FBRSL1: variants seen among roughly 807,000 people sequenced by gnomAD.
FBRSL1 encodes fibrosin like 1.
A neutral mutation model predicts 89.6 loss-of-function variants in FBRSL1; 51 were observed. The observed-to-expected ratio is 0.57, with a 90% CI of 0.45 to 0.72. FBRSL1 has a LOEUF of 0.72. FBRSL1 is among the 30% of genes least tolerant of loss of function. The pLI is 0.00. For missense variants in FBRSL1, 1,618 were observed against 1,451.8 expected, an observed-to-expected ratio of 1.11 and a Z score of -1.86; for synonymous variants, 779 against 681.1, an observed-to-expected ratio of 1.14 and a Z score of -2.24.
intron 13 of FBRSL1, 40 bp from the exon 14 acceptor site, chr12:132,574,453 G>T (rs1283745513): frequency 6.5e-7 from 1 of 1,548,860 alleles, no homozygotes; most frequent in Admixed American, 2.0e-5. Context: ...CATGGGTGGG[G>T]GTGGCACCAG....
chr12:132,510,575 C>T (rs748418010), intron 2 of FBRSL1: 22 of 1,230,858 alleles, frequency 1.8e-5, no homozygotes, highest in Admixed American at 8.4e-5. Context: ...TAGCCTGAGG[C>T]CTTGTCTAGA....
chr12:132,571,884 C>T (rs866452894), intron 9 of FBRSL1: 1 of 329,642 alleles, frequency 3.0e-6, no homozygotes, highest in Non-Finnish European at 5.5e-6. Context: ...CCCCGGAGGC[C>T]CGGTCTGAGG....
chr12:132,582,218 T>C lies in FBRSL1; in HGVS notation c.2153T>C (p.Leu718Pro), dbSNP rs1440274139. 2 of 1,550,034 alleles carry C rather than the reference T, an allele frequency of 1.3e-6. No homozygotes were observed. Among genetic ancestry groups the C allele is most frequent in the African/African-American group, 2.7e-5 (2 of 73,032 alleles). ...KSVDAERVSA[L>P]TNHDREPDNG... ...GTGGACGCGGAGCGGGTGTCAGCCCTGACCAACCATGACCGAGAGCCGGAC... is the reference window on the plus strand; with the variant it reads ...GTGGACGCGGAGCGGGTGTCAGCCCCGACCAACCATGACCGAGAGCCGGAC... The change falls in exon 18 of 19, where the codon CTG becomes CCG. Residue 718 changes from leucine to proline, a missense_variant. Transcript: ENST00000680143.
In FBRSL1 at chr12:132,522,011, G is replaced by A. The variant is rs1384273596; in HGVS notation, c.490-3723G>A. 2.0e-5 allele frequency among the ~76,000 whole-genome samples: 3 copies of A among 152,158 alleles called. 1 individual carries two copies. The highest frequency in any genetic ancestry group is 4.1e-4 in the South Asian group (2 of 4,830). ...TGTGACTGCTGTGGTAGAGAGGGGT[G>A]TGGGTGTGTGTATGCAGCCAGCGTG... is the stretch of plus-strand genomic sequence containing the variant. On this transcript the variant is annotated intron_variant, in intron 2 of 18. Transcript: ENST00000680143.
intron 1 of FBRSL1, among the ~76,000 whole-genome samples, chr12:132,501,033 C>T (rs527466897): frequency 5.3e-5 from 8 of 152,186 alleles, no homozygotes; most frequent in African/African-American, 1.7e-4. Context: ...AGGAGCTGGG[C>T]GGGGAAGGAG....
chr12:132,559,691 G>T (rs1374161070), intron 5 of FBRSL1, among the ~76,000 whole-genome samples: 1 of 152,180 alleles, frequency 6.6e-6, no homozygotes, highest in African/African-American at 2.4e-5. Context: ...CGGCCACCGC[G>T]CCCGGCTGTC....
chr12:132,564,060 G>A (rs1466024857), intron 5 of FBRSL1, among the ~76,000 whole-genome samples: 1 of 152,206 alleles, frequency 6.6e-6, no homozygotes, highest in Non-Finnish European at 1.5e-5. Flanking sequence ...GCTCTTTGTG[G>A]TCTGGCTTTG....
intron 2 of FBRSL1, among the ~76,000 whole-genome samples, chr12:132,508,739 G>A (rs2033986475): frequency 6.6e-6 from 1 of 152,248 alleles, no homozygotes; most frequent in Admixed American, 6.5e-5. Context: ...GGGCTGTCCT[G>A]TCCACACGCA....
chr12:132,510,553 G>T (rs2034216703), intron 2 of FBRSL1: 1 of 1,231,178 alleles, frequency 8.1e-7, no homozygotes, highest in Non-Finnish European at 1.0e-6. Flanking sequence ...GGCTGGAGAT[G>T]CTTTGCCGGA....
At chr12:132,521,682 G>A (rs1047527667) in intron 2 of FBRSL1, among the ~76,000 whole-genome samples, 4 of 152,198 alleles carry the variant, frequency 2.6e-5, no homozygotes, top group African/African-American at 9.7e-5. Context: ...TCCGATTGGT[G>A]TGAGACTTCA....
chr12:132,560,817 C>T (rs2137620913), intron 5 of FBRSL1, among the ~76,000 whole-genome samples: 1 of 152,358 alleles, frequency 6.6e-6, no homozygotes, highest in East Asian at 1.9e-4. Flanking sequence ...GATCCTCTAC[C>T]CCACGCGGGC....
chr12:132,507,912 G>T (rs753684715), intron 1 of FBRSL1, among the ~76,000 whole-genome samples: 1 of 152,082 alleles, frequency 6.6e-6, no homozygotes, highest in Admixed American at 6.5e-5. Context: ...GCTTTTTCTC[G>T]TCTGGCCCCT....
intron 5 of FBRSL1, among the ~76,000 whole-genome samples, chr12:132,564,858 T>C (rs1040964598): frequency 6.6e-6 from 1 of 151,718 alleles, no homozygotes; most frequent in East Asian, 2.0e-4. Flanking sequence ...CTCGATCTGC[T>C]GACCTCGTGA....
At position 132,581,813 on chromosome 12, in the gene FBRSL1, G is replaced by T. The variant is rs1438366163; in HGVS notation, c.1985G>T (p.Ser662Ile). The change falls in exon 17 of 19, where the codon AGC becomes ATC. Residue 662 changes from serine (S) to isoleucine (I), a missense_variant. Physicochemically the swap from Ser to Ile is moderately radical, Grantham distance 142 (BLOSUM62 -2). Transcript: ENST00000680143. ...LSSHAFGGLGSHALAPGGSIF... is the reference protein window; with the variant it reads ...LSSHAFGGLGIHALAPGGSIF... ...AGCCACGCCTTTGGGGGCCTGGGCAGCCATGCACTGGGTGAGTGACCCAGC... is the reference window on the plus strand; with the variant it reads ...AGCCACGCCTTTGGGGGCCTGGGCATCCATGCACTGGGTGAGTGACCCAGC... 2 of 1,547,448 alleles carry T rather than the reference G, an allele frequency of 1.3e-6. No individual in the cohort carries two copies. Among genetic ancestry groups the T allele is most frequent in the Non-Finnish European group, 1.7e-6 (2 of 1,145,666 alleles).
Position 132,570,120 on chromosome 12 carries a change from C to G in FBRSL1, c.886C>G (p.Arg296Gly). The change falls in exon 7 of 19, where the codon CGC becomes GGC. Residue 296 changes from arginine to glycine, a missense_variant. Coordinates refer to ENST00000680143, the MANE Select transcript of FBRSL1 (RefSeq NM_001367871.1). ...LVKKEPPAPH[R>G]HTPQPPPPQP... ...GAAGAAGGAACCCCCCGCCCCGCAC[C>G]GCCACACCCCGCAGCCGCCACCCCC... 2 of 1,476,514 alleles carry G rather than the reference C, an allele frequency of 1.4e-6. No individual in the cohort carries two copies. The highest frequency in any genetic ancestry group is 5.5e-5 in the East Asian group (2 of 36,590). The allele number at this position is 1,476,514 out of a possible 1,614,324, so 91.5% of individuals were successfully genotyped here.
intron 2 of FBRSL1, among the ~76,000 whole-genome samples, chr12:132,516,418 C>T (rs2034847058): frequency 6.6e-6 from 1 of 152,158 alleles, no homozygotes; most frequent in South Asian, 2.1e-4. Context: ...CTCCTGACCT[C>T]AGGTGATCCA....
chr12:132,501,091 CGGGCCCCTGACGTGGACT>C (rs1056833125), intron 1 of FBRSL1, among the ~76,000 whole-genome samples: 1 of 152,196 alleles, frequency 6.6e-6, no homozygotes, highest in Non-Finnish European at 1.5e-5. Context: ...TGATGTGGAC[CGGGCCCCTGACGTGGACT>C]GGACTGGGTG....
rs2040923701 is a variant in FBRSL1 at position 132,583,364 on chromosome 12, C to T, written c.2595C>T (p.Phe865=). 2 of 1,122,746 alleles carry T rather than the reference C, an allele frequency of 1.8e-6. No homozygotes were observed. The highest frequency in any genetic ancestry group is 2.2e-6 in the Non-Finnish European group (2 of 916,130). 69.5% of individuals were successfully genotyped at this position (1,122,746 alleles called of 1,614,324 possible). The change falls in exon 19 of 19, where the codon TTC becomes TTT. Residue 865 remains phenylalanine (F), a synonymous_variant. Transcript: ENST00000680143. ...FRGLELPRRA[F]PAAAPAPGSA... is the part of the protein sequence containing the mutation. ...GCCTGGAGCTGCCACGTCGCGCCTT[C>T]CCCGCTGCCGCCCCCGCCCCGGGCT...
intron 1 of FBRSL1, among the ~76,000 whole-genome samples, chr12:132,491,882 G>A (rs1311864824): frequency 1.3e-5 from 2 of 152,220 alleles, no homozygotes; most frequent in African/African-American, 4.8e-5. Flanking sequence ...CTGGGGCTTC[G>A]TGTCCCAAGT....
Sources: gnomAD v4.1 joint callset for allele counts (sites outside exome capture counted in the v4.1 genomes callset) on GRCh38, gnomAD v4.1.1 for gene constraint, MANE v1.5 for transcripts, NCBI Gene and HGNC (gene_info 2026-07-23, HGNC 2026-07-21) for gene names.